Variants in NETO1 observed in about 807,000 individuals in gnomAD.
NETO1 encodes the protein neuropilin and tolloid-like protein 1.
A neutral mutation model predicts 61.3 loss-of-function variants in NETO1; 26 were observed. The observed-to-expected ratio is 0.42, with a 90% CI of 0.31 to 0.59. The LOEUF is 0.59. NETO1 is among the 20% of genes least tolerant of loss of function. The pLI, the probability that NETO1 is intolerant of heterozygous loss-of-function variation, is 0.12. For synonymous variants in NETO1, 225 were observed against 225.8 expected (o/e 1.00, Z 0.03); for missense variants, 531 against 662.8 (o/e 0.80, Z 2.18).
At chr18:72,810,243 A>G (rs1396835725) in intron 4 of NETO1, among the ~76,000 whole-genome samples, 2 of 152,196 alleles carry the variant, frequency 1.3e-5, no homozygotes, top group African/African-American at 4.8e-5. Context: ...TATTTTCCCA[A>G]TTATTACAGT....
chr18:72,864,784 A>C, intron 3 of NETO1, 24 bp downstream of exon 3: 1 of 1,613,800 alleles, frequency 6.2e-7, no homozygotes, highest in Non-Finnish European at 8.5e-7. Flanking sequence ...GTGCTTTCTT[A>C]ACTCTGGCAC....
At chr18:72,855,288 CCTCA>C (rs1568266694) in intron 4 of NETO1, among the ~76,000 whole-genome samples, 1 of 152,156 alleles carries the variant, frequency 6.6e-6, no homozygotes, top group Non-Finnish European at 1.5e-5. Context: ...CTTCTACAAG[CCTCA>C]CTCTTATCCT....
intron 1 of NETO1, among the ~76,000 whole-genome samples, chr18:72,866,088 C>CA (rs2074724484): frequency 6.6e-6 from 1 of 152,120 alleles, no homozygotes; most frequent in African/African-American, 2.4e-5. Flanking sequence ...TTTTACAAGA[C>CA]AAAACACTAG....
intron 4 of NETO1, among the ~76,000 whole-genome samples, chr18:72,818,174 C>T (rs1477081942): frequency 6.6e-6 from 1 of 152,150 alleles, no homozygotes; most frequent in Non-Finnish European, 1.5e-5. Context: ...AAGATACTTA[C>T]ACATAGAGTG....
intron 4 of NETO1, among the ~76,000 whole-genome samples, chr18:72,841,069 C>G (rs531282371): frequency 6.6e-6 from 1 of 152,292 alleles, no homozygotes; most frequent in South Asian, 2.1e-4. Flanking sequence ...GACTACTCTT[C>G]TTCTAGCTGC....
At chr18:72,784,253 G>A (rs1239698576) in intron 6 of NETO1, among the ~76,000 whole-genome samples, 3 of 151,958 alleles carry the variant, frequency 2.0e-5, no homozygotes, top group Non-Finnish European at 2.9e-5. Context: ...AAGTATTCCT[G>A]ATACATTCTT....
chr18:72,775,798 A>C (rs1640721597), intron 7 of NETO1, among the ~76,000 whole-genome samples: 1 of 152,200 alleles, frequency 6.6e-6, no homozygotes, highest in South Asian at 2.1e-4. Flanking sequence ...TTAACAAATC[A>C]TTAAGCATGG....
chr18:72,842,639 G>C (rs538304526), intron 4 of NETO1, among the ~76,000 whole-genome samples: 1 of 152,120 alleles, frequency 6.6e-6, no homozygotes, highest in African/African-American at 2.4e-5. Context: ...GAACAAATTG[G>C]TGTCTTTGAG....
intron 7 of NETO1, among the ~76,000 whole-genome samples, chr18:72,766,520 C>T (rs2071167249): frequency 6.6e-6 from 1 of 151,840 alleles, no homozygotes; most frequent in African/African-American, 2.4e-5. Context: ...CCTTTATCAC[C>T]TTCATAGTTG....
intron 4 of NETO1, among the ~76,000 whole-genome samples, chr18:72,817,677 C>G (rs887584702): frequency 6.6e-6 from 1 of 152,208 alleles, no homozygotes; most frequent in Non-Finnish European, 1.5e-5. Context: ...GGCCTAGTGA[C>G]TCATTTCTAA....
chr18:72,762,517 A>G (rs1304628067), intron 7 of NETO1, among the ~76,000 whole-genome samples: 1 of 152,226 alleles, frequency 6.6e-6, no homozygotes, highest in African/African-American at 2.4e-5. Context: ...TACATTAAAA[A>G]CACACAAAAA....
chr18:72,779,305 T>G (rs546107912), intron 7 of NETO1, among the ~76,000 whole-genome samples: 6 of 151,044 alleles, frequency 4.0e-5, no homozygotes, highest in African/African-American at 1.5e-4. Context: ...ATATATTAGA[T>G]TATATATACA....
intron 7 of NETO1, among the ~76,000 whole-genome samples, chr18:72,778,953 T>C (rs566619010): frequency 1.1e-4 from 17 of 152,130 alleles, no homozygotes; most frequent in Non-Finnish European, 2.1e-4. Flanking sequence ...TAGAACAAAA[T>C]ACCATAGACT....
intron 7 of NETO1, among the ~76,000 whole-genome samples, chr18:72,782,207 C>A (rs1453435694): frequency 1.3e-5 from 2 of 152,152 alleles, no homozygotes; most frequent in East Asian, 3.9e-4. Context: ...ACATAGTATT[C>A]CACAATATAT....
At chr18:72,858,172 T>C (rs1257307186) in intron 4 of NETO1, among the ~76,000 whole-genome samples, 1 of 152,202 alleles carries the variant, frequency 6.6e-6, no homozygotes, top group Non-Finnish European at 1.5e-5. Flanking sequence ...ATGGTAACTC[T>C]TAATCAAGTG....
intron 4 of NETO1, among the ~76,000 whole-genome samples, chr18:72,827,679 G>A (rs1470771099): frequency 7.1e-6 from 1 of 140,322 alleles, no homozygotes; most frequent in Non-Finnish European, 1.5e-5. Context: ...TCATGCCACT[G>A]CACTTCATCC....
rs906228292 is a variant in NETO1 at position 72,863,657 on chromosome 18, CA to C, written c.220+1150del. Among the ~76,000 whole-genome samples the C allele has an allele frequency of 6.9e-4, 102 of 147,624 alleles. 1 individual carries two copies. Among genetic ancestry groups the C allele is most frequent in the African/African-American group, 2.3e-3 (92 of 40,278 alleles). On this transcript the variant is annotated intron_variant, in intron 3 of 10. Transcript: ENST00000327305. ...GGAAGATCTTTGGCCCAATAATTAC[CA>C]AAAAAAAAATCATTTCTAAATAGAG... is the stretch of plus-strand genomic sequence containing the variant.
At chr18:72,772,825 CTATATATATATATATA>C (rs59339805) in intron 7 of NETO1, among the ~76,000 whole-genome samples, 412 of 40,650 alleles carry the variant, frequency 0.01, 3 homozygotes, top group South Asian at 0.021. Flanking sequence ...CTCTCTCTCT[CTATATATATATATATA>C]TATATATATA....
At chr18:72,838,240 G>T (rs2073817888) in intron 4 of NETO1, among the ~76,000 whole-genome samples, 1 of 152,230 alleles carries the variant, frequency 6.6e-6, no homozygotes, top group Admixed American at 6.5e-5. Context: ...GGTGATATCT[G>T]TGGTTAACTC....
Sources: gnomAD v4.1 joint callset for allele counts (sites outside exome capture counted in the v4.1 genomes callset) on GRCh38, gnomAD v4.1.1 for gene constraint, MANE v1.5 for transcripts, NCBI Gene and HGNC (gene_info 2026-07-23, HGNC 2026-07-21) for gene names.